Variants in FAT3 observed in about 807,000 individuals in gnomAD.
FAT3 encodes protocadherin Fat 3.
Under a neutral mutation model 310.2 loss-of-function variants are expected in FAT3, and 95 were observed. The observed-to-expected ratio is 0.31, with a 90% CI of 0.26 to 0.36. The LOEUF is 0.36. Among genes scored for constraint, FAT3 ranks in the 10% least tolerant of loss-of-function variants. The pLI, the probability that FAT3 is intolerant of heterozygous loss-of-function variation, is 1.00. For missense variants in FAT3, 5,408 were observed against 5,715.6 expected, an observed-to-expected ratio of 0.95 and a Z score of 1.74; for synonymous variants, 2,314 against 2,192.9, an observed-to-expected ratio of 1.06 and a Z score of -1.54.
intron 2 of FAT3, among the ~76,000 whole-genome samples, chr11:92,488,626 A>G (rs1302321860): frequency 6.6e-6 from 1 of 151,714 alleles, no homozygotes; most frequent in Admixed American, 6.6e-5. Context: ...TCCTCCCTAT[A>G]CTTTCAAGTT....
chr11:92,280,225 C>T (rs1392003533), intron 1 of FAT3, among the ~76,000 whole-genome samples: 1 of 152,074 alleles, frequency 6.6e-6, no homozygotes, highest in Admixed American at 6.6e-5. Context: ...ACTAGCTTTT[C>T]CATTTTATCA....
At chr11:92,542,245 A>G (rs1954471844) in intron 3 of FAT3, among the ~76,000 whole-genome samples, 1 of 152,092 alleles carries the variant, frequency 6.6e-6, no homozygotes, top group African/African-American at 2.4e-5. Context: ...CTGAAAGAAA[A>G]CATAGGGAAA....
intron 1 of FAT3, among the ~76,000 whole-genome samples, chr11:92,231,598 T>C (rs765829661): frequency 5.3e-5 from 8 of 152,244 alleles, no homozygotes; most frequent in Admixed American, 6.5e-5. Context: ...CTGAAAAAAA[T>C]TGTAGCCTTT....
chr11:92,397,302 G>T (rs112284056), intron 2 of FAT3, among the ~76,000 whole-genome samples: 27 of 152,260 alleles, frequency 1.8e-4, no homozygotes, highest in African/African-American at 6.5e-4. Flanking sequence ...GGGATGGGGA[G>T]ATTTTGTTTA....
intron 1 of FAT3, among the ~76,000 whole-genome samples, chr11:92,350,074 G>A (rs961747758): frequency 2.6e-5 from 4 of 151,664 alleles, no homozygotes; most frequent in South Asian, 2.1e-4. Flanking sequence ...ATTAAATTTA[G>A]ACAGTTTCCA....
At chr11:92,441,505 C>T (rs546141500) in intron 2 of FAT3, among the ~76,000 whole-genome samples, 18 of 152,272 alleles carry the variant, frequency 1.2e-4, no homozygotes, top group African/African-American at 3.8e-4. Context: ...ACCCGCAGAT[C>T]GGGAGGGGTG....
chr11:92,499,723 A>ATGTGTGTGTGTGTGTGTGTGTG (rs61267708), intron 2 of FAT3, among the ~76,000 whole-genome samples: 19 of 127,748 alleles, frequency 1.5e-4, no homozygotes, highest in African/African-American at 5.0e-4. Context: ...ATGTGTGTGT[A>ATGTGTGTGTGTGTGTGTGTGTG]TGTGTGTGTG....
intron 1 of FAT3, among the ~76,000 whole-genome samples, chr11:92,255,748 C>G (rs1234581448): frequency 6.6e-6 from 1 of 152,114 alleles, no homozygotes; most frequent in East Asian, 1.9e-4. Context: ...GGCAATGAAA[C>G]AGAGTCTGGC....
intron 3 of FAT3, among the ~76,000 whole-genome samples, chr11:92,607,496 G>GC (rs1253689038): frequency 2.3e-4 from 35 of 152,238 alleles, no homozygotes; most frequent in African/African-American, 7.0e-4. Flanking sequence ...GACTTTATCT[G>GC]CCTTCCCTCA....
intron 9 of FAT3, among the ~76,000 whole-genome samples, chr11:92,794,396 T>C (rs1947115765): frequency 6.6e-6 from 1 of 152,220 alleles, no homozygotes; most frequent in Non-Finnish European, 1.5e-5. Context: ...TTCATGTCAC[T>C]GTAATTATTT....
chr11:92,465,744 C>T (rs776218632), intron 2 of FAT3, among the ~76,000 whole-genome samples: 8 of 151,910 alleles, frequency 5.3e-5, no homozygotes, highest in Admixed American at 2.0e-4. Context: ...GGATAGCATT[C>T]GGAGAAATAC....
rs761084058 is a variant in FAT3, at chr11:92,883,390, G to C, written c.12934G>C (p.Glu4312Gln). The change falls in exon 24 of 28, where the codon GAG becomes CAG. Residue 4312 changes from glutamate (E) to glutamine (Q), a missense_variant. Physicochemically the swap from Glu to Gln is conservative, Grantham distance 29 (BLOSUM62 2). Around this residue, in one of 5 missense-constraint regions of FAT3, gnomAD observed 649 missense variants for 666.2 expected, o/e 0.97. Coordinates refer to ENST00000525166, the MANE Select transcript of FAT3 (RefSeq NM_001367949.2). This position sits in a 1 kb window ranked among gnomAD's most constrained non-coding sequence, Gnocchi z 4.2. ...GAAGAATGGCTGGGACGCGGGAACT[G>C]AGAGTGAGTAGGAAGTGGTAATGCT... ...IRKNGWDAGT[E>Q]NKGVDDPGEV... is the part of the protein sequence containing the mutation. 1 of 1,598,566 alleles carries C rather than the reference G, an allele frequency of 6.3e-7. No individual in the cohort carries two copies.
chr11:92,420,486 G>T lies in FAT3; in HGVS notation c.3292+65082G>T, dbSNP rs139636114. On this transcript the variant is annotated intron_variant, in intron 2 of 27. Transcript: ENST00000525166. Reference sequence around the variant, plus strand: ...CTCTTCTTGTCTCCCACTCAACTTAGTATCGAGTGGGATTTCACATCAAAG... The same window carrying T: ...CTCTTCTTGTCTCCCACTCAACTTATTATCGAGTGGGATTTCACATCAAAG... 7.2e-5 allele frequency among the ~76,000 whole-genome samples: 11 copies of T among 152,234 alleles called. No homozygotes were observed. In the East Asian group the frequency reaches 2.1e-3, roughly 30 times the overall value.
chr11:92,379,359 G>T (rs1000231475), intron 2 of FAT3, among the ~76,000 whole-genome samples: 5 of 152,142 alleles, frequency 3.3e-5, no homozygotes, highest in African/African-American at 1.2e-4. Flanking sequence ...CCAAGCCATA[G>T]CTTTGTTTCT....
intron 2 of FAT3, among the ~76,000 whole-genome samples, chr11:92,473,462 T>G (rs1296992155): frequency 6.6e-6 from 1 of 152,190 alleles, no homozygotes; most frequent in Non-Finnish European, 1.5e-5. Context: ...ATTACAATTA[T>G]TTTGAAATTT....
intron 3 of FAT3, among the ~76,000 whole-genome samples, chr11:92,578,046 T>C (rs995746981): frequency 2.6e-5 from 4 of 152,092 alleles, no homozygotes; most frequent in Non-Finnish European, 4.4e-5. Context: ...ATTTATAGTG[T>C]TCCTATAGTA....
At chr11:92,528,983 A>G (rs1216615068) in intron 3 of FAT3, among the ~76,000 whole-genome samples, 2 of 152,200 alleles carry the variant, frequency 1.3e-5, no homozygotes, top group African/African-American at 2.4e-5. Flanking sequence ...AAAGGCAGCC[A>G]TGTCTTGCCT....
At chr11:92,791,685 C>T (rs1368980613) in intron 8 of FAT3, among the ~76,000 whole-genome samples, 1 of 152,176 alleles carries the variant, frequency 6.6e-6, no homozygotes, top group Non-Finnish European at 1.5e-5. Context: ...TTTGATGGCT[C>T]TTCTTGGTAT....
intron 1 of FAT3, among the ~76,000 whole-genome samples, chr11:92,260,880 T>C (rs969916681): frequency 6.6e-6 from 1 of 152,050 alleles, no homozygotes. Flanking sequence ...TGCCAACATG[T>C]AGGACATCAG....
Sources: allele counts gnomAD v4.1 joint callset (sites outside exome capture counted in the v4.1 genomes callset), GRCh38; gene constraint gnomAD v4.1.1; regional missense constraint gnomAD v4.1.1; non-coding constraint Gnocchi (gnomAD v3.1); transcripts MANE v1.5; gene names NCBI Gene and HGNC (gene_info 2026-07-23, HGNC 2026-07-21).